Variants in TFEC observed in about 807,000 individuals in gnomAD.
The protein encoded by TFEC is transcription factor EC, also known as class E basic helix-loop-helix protein 34.
A neutral mutation model predicts 41.6 loss-of-function variants in TFEC; 31 were observed. The observed-to-expected ratio is 0.74, with a 90% confidence interval of 0.56 to 1.01. The LOEUF (loss-of-function observed/expected upper bound fraction) is 1.01. Ranked by LOEUF, TFEC falls within the 50% of genes least tolerant of loss-of-function variation. TFEC has a pLI of 0.00. For synonymous variants in TFEC, 143 were observed against 140.6 expected (o/e 1.02, Z -0.12); for missense variants, 402 against 404.1 (o/e 0.99, Z 0.04).
At chr7:116,155,892 A>G (rs966115543) in intron 1 of TFEC, among the ~76,000 whole-genome samples, 4 of 152,142 alleles carry the variant, frequency 2.6e-5, no homozygotes, top group African/African-American at 7.2e-5. Context: ...TTTGTCCCCA[A>G]TATGGCTCAG....
At position 115,951,495 on chromosome 7, in the gene TFEC, T is replaced by G. The variant is rs1330767824; in HGVS notation, c.440-546A>C. On this transcript the variant is annotated intron_variant, in intron 5 of 7. Coordinates refer to ENST00000265440, the MANE Select transcript of TFEC (RefSeq NM_012252.4). ...ATAGGAGGTGGTAAATAAATGTATA[T>G]TGATTAGGCTGTAAATTTATTTTTC... Among the ~76,000 whole-genome samples the G allele has an allele frequency of 2.6e-5, 4 of 152,232 alleles. No individual in the cohort carries two copies. The East Asian group carries it at 7.7e-4, about 29-fold the overall frequency.
At chr7:116,045,921 T>C (rs1249458275) in intron 3 of TFEC, among the ~76,000 whole-genome samples, 2 of 152,160 alleles carry the variant, frequency 1.3e-5, no homozygotes, top group African/African-American at 4.8e-5. Flanking sequence ...CAAAGGAGAT[T>C]ATTTTGGAAC....
intron 1 of TFEC, among the ~76,000 whole-genome samples, chr7:116,016,230 T>C (rs1029827024): frequency 1.3e-5 from 2 of 152,108 alleles, no homozygotes; most frequent in African/African-American, 2.4e-5. Context: ...ACTGGGTCAC[T>C]GGCAAGCCTC....
In TFEC at chr7:115,990,999, C is replaced by T. The variant is rs558797366; in HGVS notation, c.-72-6486G>A. On this transcript the variant is annotated intron_variant, in intron 1 of 7. Transcript: ENST00000265440. ...CCAGAGAGAAAGGTCAGGTTACCCACAAAGGGAAGCCCATCAGACTAACAG... is the reference window on the plus strand; with the variant it reads ...CCAGAGAGAAAGGTCAGGTTACCCATAAAGGGAAGCCCATCAGACTAACAG... 2.0e-5 allele frequency among the ~76,000 whole-genome samples: 3 copies of T among 152,248 alleles called. No homozygotes were observed. In the East Asian group the frequency reaches 5.8e-4, roughly 29 times the overall value.
intron 3 of TFEC, among the ~76,000 whole-genome samples, chr7:116,054,844 A>G (rs906942397): frequency 1.3e-5 from 2 of 152,134 alleles, no homozygotes; most frequent in African/African-American, 4.8e-5. Context: ...AAACTGGATA[A>G]GATAGATCTT....
At chr7:116,009,514 A>G (rs1794921340) in intron 1 of TFEC, among the ~76,000 whole-genome samples, 1 of 152,070 alleles carries the variant, frequency 6.6e-6, no homozygotes, top group Admixed American at 6.6e-5. Flanking sequence ...ACTGCAATGG[A>G]CTCTGGAGAT....
At chr7:115,944,462 T>G (rs751697431) in intron 6 of TFEC, among the ~76,000 whole-genome samples, 9 of 151,694 alleles carry the variant, frequency 5.9e-5, no homozygotes, top group Non-Finnish European at 1.2e-4. Flanking sequence ...TCTCAACCTG[T>G]ACGTCTCAAT....
chr7:115,939,564 A>G lies in TFEC; in HGVS notation c.*987T>C, dbSNP rs1157215276. ...ATCCATTTGGAGAAAAACCAAATCAACAACTAATTGATTTCTGTCCAATAC... is the reference window on the plus strand; with the variant it reads ...ATCCATTTGGAGAAAAACCAAATCAGCAACTAATTGATTTCTGTCCAATAC... On this transcript the variant is annotated 3_prime_UTR_variant, in exon 8 of 8. Coordinates refer to ENST00000265440, the MANE Select transcript of TFEC (RefSeq NM_012252.4). 6.6e-6 allele frequency: 1 copy of G among 152,062 alleles called. No homozygotes were observed. Among genetic ancestry groups the G allele is most frequent in the Non-Finnish European group, 1.5e-5 (1 of 67,972 alleles). 9.4% of individuals were successfully genotyped at this position (152,062 alleles called of 1,614,324 possible). A position where few individuals can be genotyped will look rare whatever the true frequency, so the allele number is the denominator to read the frequency against.
intron 1 of TFEC, among the ~76,000 whole-genome samples, chr7:116,122,477 A>G (rs531204255): frequency 6.6e-6 from 1 of 152,170 alleles, no homozygotes; most frequent in East Asian, 1.9e-4. Context: ...TTCCATGGAA[A>G]CATGCATTCA....
At chr7:116,064,079 C>CG (rs1014241725) in intron 3 of TFEC, among the ~76,000 whole-genome samples, 19 of 151,760 alleles carry the variant, frequency 1.3e-4, no homozygotes, top group South Asian at 4.2e-4. Flanking sequence ...TGGGATGGAG[C>CG]GGGGGGGCAG....
chr7:116,104,193 T>C (rs2116000848), intron 3 of TFEC, among the ~76,000 whole-genome samples: 1 of 152,272 alleles, frequency 6.6e-6, no homozygotes, highest in South Asian at 2.1e-4. Context: ...TAGGTATTGA[T>C]TAATAAGAAC....
chr7:116,015,939 G>T lies in TFEC; in HGVS notation c.-73+14694C>A, dbSNP rs969838156. Among the ~76,000 whole-genome samples the T allele has an allele frequency of 5.3e-5, 8 of 152,310 alleles. No homozygotes were observed. The East Asian group carries it at 1.5e-3, about 29-fold the overall frequency. On this transcript the variant is annotated intron_variant, in intron 1 of 7. Coordinates refer to ENST00000265440, the MANE Select transcript of TFEC (RefSeq NM_012252.4). ...AGACACAAACGTGGTGGCCAGTTTA[G>T]AAGCCACTGCATCAGGGTTTTAGAT...
chr7:115,967,344 TG>T (rs1054185967), intron 3 of TFEC, among the ~76,000 whole-genome samples: 1 of 151,594 alleles, frequency 6.6e-6, no homozygotes, highest in Non-Finnish European at 1.5e-5. Context: ...GACCCTAAGA[TG>T]GTAAAAGATT....
intron 1 of TFEC, chr7:116,120,413 T>C (rs1005415134): frequency 2.6e-5 from 4 of 151,948 alleles, no homozygotes; most frequent in African/African-American, 7.2e-5. Flanking sequence ...TGCCCATTCA[T>C]AGCAGCATGG....
At chr7:116,130,075 C>CAT (rs1798301581) in intron 1 of TFEC, among the ~76,000 whole-genome samples, 1 of 151,708 alleles carries the variant, frequency 6.6e-6, no homozygotes, top group Admixed American at 6.6e-5. Flanking sequence ...CACACACACA[C>CAT]ACACACACAC....
intron 6 of TFEC, among the ~76,000 whole-genome samples, chr7:115,947,453 T>A (rs1299830147): frequency 6.6e-6 from 1 of 151,398 alleles, no homozygotes; most frequent in African/African-American, 2.4e-5. Flanking sequence ...GATGGCTGGG[T>A]CAAATGGTAT....
chr7:116,142,348 C>G (rs1484855104), intron 1 of TFEC, among the ~76,000 whole-genome samples: 2 of 152,158 alleles, frequency 1.3e-5, no homozygotes, highest in African/African-American at 2.4e-5. Flanking sequence ...ACTAAGAATA[C>G]TGATAAGACT....
At chr7:116,133,631 T>C (rs1798378368) in intron 1 of TFEC, among the ~76,000 whole-genome samples, 1 of 152,182 alleles carries the variant, frequency 6.6e-6, no homozygotes. Flanking sequence ...ATTAAAGACT[T>C]TTCATGCCCC....
chr7:115,981,213 C>T (rs1793615825), intron 2 of TFEC, among the ~76,000 whole-genome samples: 2 of 152,014 alleles, frequency 1.3e-5, no homozygotes, highest in South Asian at 2.1e-4. Flanking sequence ...CTACTCTGCC[C>T]TTAGCTTACA....
Sources: gnomAD v4.1 joint callset for allele counts (sites outside exome capture counted in the v4.1 genomes callset) on GRCh38, gnomAD v4.1.1 for gene constraint, MANE v1.5 for transcripts, NCBI Gene and HGNC (gene_info 2026-07-23, HGNC 2026-07-21) for gene names.